Variants in ADAMTS19 observed in about 807,000 individuals in gnomAD.
ADAMTS19 encodes A disintegrin and metalloproteinase with thrombospondin motifs 19.
ADAMTS19 carries 93 observed loss-of-function variants against 153.3 expected under a neutral mutation model. That is an observed-to-expected ratio of 0.61 (90% CI 0.51 to 0.72). ADAMTS19 has a LOEUF of 0.72. Ranked by LOEUF, ADAMTS19 falls within the 30% of genes least tolerant of loss-of-function variation. The pLI is 0.00. For synonymous variants in ADAMTS19, 600 were observed against 556.6 expected, an observed-to-expected ratio of 1.08 and a Z score of -1.10; for missense variants, 1,482 against 1,552.1, an observed-to-expected ratio of 0.95 and a Z score of 0.76.
intron 9 of ADAMTS19, among the ~76,000 whole-genome samples, chr5:129,621,188 T>A (rs1164748819): frequency 6.6e-6 from 1 of 152,168 alleles, no homozygotes; most frequent in Non-Finnish European, 1.5e-5. Flanking sequence ...TAATAAATAG[T>A]TTCCACCATT....
chr5:129,469,964 A>C (rs1285598383), intron 2 of ADAMTS19, among the ~76,000 whole-genome samples: 2 of 152,198 alleles, frequency 1.3e-5, no homozygotes, highest in East Asian at 3.8e-4. Context: ...GTCTTCATTA[A>C]AGGAAGCTAC....
At chr5:129,613,055 C>T (rs1751313038) in intron 8 of ADAMTS19, among the ~76,000 whole-genome samples, 1 of 152,112 alleles carries the variant, frequency 6.6e-6, no homozygotes, top group Admixed American at 6.6e-5. Flanking sequence ...TAGAGACCTA[C>T]AAAGAGACTT....
At chr5:129,608,872 A>C (rs987302832) in intron 8 of ADAMTS19, among the ~76,000 whole-genome samples, 1 of 151,826 alleles carries the variant, frequency 6.6e-6, no homozygotes, top group Non-Finnish European at 1.5e-5. Context: ...AAAAAAAGAG[A>C]AGAAAAGAAC....
intron 7 of ADAMTS19, among the ~76,000 whole-genome samples, chr5:129,554,142 A>T (rs992366936): frequency 1.3e-5 from 2 of 152,170 alleles, no homozygotes; most frequent in South Asian, 2.1e-4. Context: ...ATACCACTCC[A>T]TCATATAAAA....
chr5:129,641,880 T>G lies in ADAMTS19; in HGVS notation c.1792T>G (p.Trp598Gly). The change falls in exon 11 of 23, where the codon TGG becomes GGG. Residue 598 changes from tryptophan (W) to glycine (G), a missense_variant. This residue lies in a region of ADAMTS19 where 866 missense variants were observed against 827.7 expected (regional missense o/e 1.05). Transcript: ENST00000274487. Reference sequence around the variant, plus strand: ...TCAGCATGTTATTTGCACAGGATTATGGTGCAAGGTAGAAGGTGAGAAAGA... The same window carrying G: ...TCAGCATGTTATTTGCACAGGATTAGGGTGCAAGGTAGAAGGTGAGAAAGA... ...EMQHVICTGL[W>G]CKVEGEKECR... 9.4e-6 allele frequency: 15 copies of G among 1,600,090 alleles called. No individual in the cohort carries two copies. The highest frequency in any genetic ancestry group is 1.3e-5 in the Non-Finnish European group (15 of 1,171,328).
intron 18 of ADAMTS19, among the ~76,000 whole-genome samples, chr5:129,684,483 A>C (rs1235289580): frequency 8.9e-6 from 1 of 111,930 alleles, no homozygotes; most frequent in Non-Finnish European, 2.0e-5. Context: ...AACATATCTC[A>C]ATATGACTAC....
At chr5:129,561,766 A>T (rs1753525505) in intron 7 of ADAMTS19, among the ~76,000 whole-genome samples, 1 of 152,060 alleles carries the variant, frequency 6.6e-6, no homozygotes, top group South Asian at 2.1e-4. Flanking sequence ...TGATTGGAAT[A>T]TATTAGTTCA....
intron 8 of ADAMTS19, among the ~76,000 whole-genome samples, chr5:129,606,052 A>C (rs1434122344): frequency 6.6e-6 from 1 of 152,204 alleles, no homozygotes; most frequent in Non-Finnish European, 1.5e-5. Flanking sequence ...TTTTCCACCA[A>C]GTAGGCAATT....
At chr5:129,536,108 C>G (rs1225315515) in intron 6 of ADAMTS19, among the ~76,000 whole-genome samples, 1 of 152,128 alleles carries the variant, frequency 6.6e-6, no homozygotes, top group Non-Finnish European at 1.5e-5. Flanking sequence ...AAGAAACTAC[C>G]ATTGGAATGA....
At chr5:129,636,426 T>C (rs1431810117) in intron 10 of ADAMTS19, among the ~76,000 whole-genome samples, 2 of 152,230 alleles carry the variant, frequency 1.3e-5, no homozygotes, top group Admixed American at 6.5e-5. Context: ...TTTTCTTTTC[T>C]TTGAGGGCCT....
At chr5:129,608,112 G>GTATATATATA (rs1219945367) in intron 8 of ADAMTS19, among the ~76,000 whole-genome samples, 1 of 31,830 alleles carries the variant, frequency 3.1e-5, no homozygotes, top group Non-Finnish European at 1.0e-4. Context: ...GTGTGTGTGT[G>GTATATATATA]TGTGTATATA....
chr5:129,463,344 T>C (rs1269596024), intron 2 of ADAMTS19, among the ~76,000 whole-genome samples: 1 of 152,164 alleles, frequency 6.6e-6, no homozygotes, highest in Non-Finnish European at 1.5e-5. Flanking sequence ...GTTTTTTGTA[T>C]GTAACAAACC....
intron 21 of ADAMTS19, among the ~76,000 whole-genome samples, chr5:129,714,404 C>A (rs13167565): frequency 5.2e-5 from 7 of 134,056 alleles, no homozygotes. Flanking sequence ...CCGGCCTGGG[C>A]GACAGAGCGA....
intron 2 of ADAMTS19, among the ~76,000 whole-genome samples, chr5:129,498,360 G>A (rs993148126): frequency 6.6e-6 from 1 of 151,818 alleles, no homozygotes; most frequent in Non-Finnish European, 1.5e-5. Context: ...TGCCCTACAG[G>A]AGCAATACCA....
chr5:129,628,033 A>C (rs1196400082), intron 10 of ADAMTS19, among the ~76,000 whole-genome samples: 2 of 152,170 alleles, frequency 1.3e-5, no homozygotes, highest in Non-Finnish European at 2.9e-5. Flanking sequence ...TCACAATAGC[A>C]AAGACATAGA....
At chr5:129,702,941 A>AAAATATATATATATATATAT in intron 20 of ADAMTS19, among the ~76,000 whole-genome samples, 40 of 29,266 alleles carry the variant, frequency 1.4e-3, no homozygotes, top group African/African-American at 2.9e-3. Context: ...AAAAAAAAAA[A>AAAATATATATATATATATAT]ATATATATAT....
chr5:129,641,542 T>C (rs993211383), intron 10 of ADAMTS19, among the ~76,000 whole-genome samples: 2 of 152,182 alleles, frequency 1.3e-5, no homozygotes, highest in East Asian at 1.9e-4. Flanking sequence ...TCATAGCATA[T>C]AAATGATGAT....
At chr5:129,555,229 G>T (rs1394459768) in intron 7 of ADAMTS19, among the ~76,000 whole-genome samples, 1 of 151,994 alleles carries the variant, frequency 6.6e-6, no homozygotes, top group Non-Finnish European at 1.5e-5. Context: ...ATTCTCCTAG[G>T]TATAGTAAGA....
intron 16 of ADAMTS19, among the ~76,000 whole-genome samples, chr5:129,671,692 A>G (rs980956886): frequency 2.8e-4 from 43 of 152,212 alleles, no homozygotes; most frequent in African/African-American, 9.9e-4. Flanking sequence ...TCTTAATTGC[A>G]ATTATTATTT....
Sources: allele counts gnomAD v4.1 joint callset (sites outside exome capture counted in the v4.1 genomes callset), GRCh38; gene constraint gnomAD v4.1.1; regional missense constraint gnomAD v4.1.1; transcripts MANE v1.5; gene names NCBI Gene and HGNC (gene_info 2026-07-23, HGNC 2026-07-21).